GPM6A: variants seen among roughly 807,000 people sequenced by gnomAD.
GPM6A encodes the protein glycoprotein M6A.
In GPM6A, 7 loss-of-function variants were observed where a neutral mutation model predicts 32.1. That is an observed-to-expected ratio of 0.22 (90% CI 0.12 to 0.41). The LOEUF is 0.41. Among genes scored for constraint, GPM6A ranks in the 10% least tolerant of loss-of-function variants. GPM6A has a pLI of 1.00. For missense variants in GPM6A, 235 were observed against 347.2 expected (o/e 0.68, Z 2.57); for synonymous variants, 130 against 123.4 (o/e 1.05, Z -0.35).
chr4:175,868,922 T>A (rs1230881785), intron 1 of GPM6A, among the ~76,000 whole-genome samples: 1 of 152,252 alleles, frequency 6.6e-6, no homozygotes, highest in Non-Finnish European at 1.5e-5. Flanking sequence ...ATTGATGACT[T>A]ACTATTGTAC....
At chr4:175,698,648 G>A (rs1391689448) in intron 2 of GPM6A, among the ~76,000 whole-genome samples, 1 of 152,088 alleles carries the variant, frequency 6.6e-6, no homozygotes, top group East Asian at 1.9e-4. Context: ...TTGTTGGTAG[G>A]GAGAGAGTCT....
intron 2 of GPM6A, among the ~76,000 whole-genome samples, chr4:175,685,942 C>T (rs528927032): frequency 1.3e-5 from 2 of 152,036 alleles, no homozygotes; most frequent in South Asian, 2.1e-4. Context: ...TGTGTGTGCA[C>T]GCACACACAT....
At chr4:175,749,991 G>C (rs1386826094) in intron 1 of GPM6A, among the ~76,000 whole-genome samples, 1 of 151,990 alleles carries the variant, frequency 6.6e-6, no homozygotes, top group Non-Finnish European at 1.5e-5. Flanking sequence ...ATTTCATTTT[G>C]TACATAAAGA....
chr4:175,796,624 T>C (rs921541785), intron 1 of GPM6A, among the ~76,000 whole-genome samples: 14 of 152,214 alleles, frequency 9.2e-5, no homozygotes, highest in African/African-American at 3.4e-4. Context: ...AAAGCTAAAA[T>C]ACAAACCACT....
intron 1 of GPM6A, among the ~76,000 whole-genome samples, chr4:175,759,352 CAA>C (rs979752021): frequency 1.3e-5 from 2 of 152,052 alleles, no homozygotes; most frequent in African/African-American, 4.8e-5. Context: ...TTCTTCAAGA[CAA>C]CTTAGCATTA....
chr4:175,675,353 T>A (rs1743306024), intron 2 of GPM6A, among the ~76,000 whole-genome samples: 1 of 151,856 alleles, frequency 6.6e-6, no homozygotes, highest in African/African-American at 2.4e-5. Context: ...TAACACCAAC[T>A]GAATGCTATG....
chr4:175,673,582 G>A, intron 3 of GPM6A, 98 bp downstream of exon 3: 3 of 799,550 alleles, frequency 3.8e-6, no homozygotes, highest in Non-Finnish European at 5.7e-6. Context: ...GTTACTGTGT[G>A]AAAAAAAAAT....
At chr4:175,762,287 G>A (rs1042411841) in intron 1 of GPM6A, among the ~76,000 whole-genome samples, 18 of 152,130 alleles carry the variant, frequency 1.2e-4, no homozygotes, top group African/African-American at 4.3e-4. Context: ...AAGAAATTCA[G>A]CCAAGAACAT....
chr4:175,729,714 ACACT>A (rs1406759448), intron 1 of GPM6A, among the ~76,000 whole-genome samples: 2 of 149,162 alleles, frequency 1.3e-5, no homozygotes, highest in Non-Finnish European at 3.0e-5. Flanking sequence ...ATAAATGTAT[ACACT>A]CACTATGTAT....
intron 1 of GPM6A, among the ~76,000 whole-genome samples, chr4:175,988,509 T>C (rs940154207): frequency 1.3e-5 from 2 of 152,218 alleles, no homozygotes; most frequent in East Asian, 3.8e-4. Flanking sequence ...TTATTTGAGA[T>C]GCCCAAAAGA....
chr4:175,988,803 T>G (rs555986079), intron 1 of GPM6A, among the ~76,000 whole-genome samples: 4 of 152,298 alleles, frequency 2.6e-5, no homozygotes, highest in African/African-American at 4.8e-5. Context: ...AAGAGCCTAA[T>G]TGGCAAAGAT....
At chr4:175,983,340 T>C (rs1439750970) in intron 1 of GPM6A, among the ~76,000 whole-genome samples, 1 of 152,230 alleles carries the variant, frequency 6.6e-6, no homozygotes, top group Non-Finnish European at 1.5e-5. Flanking sequence ...TCATGCTTCT[T>C]TGGAGCTCTT....
chr4:175,856,154 T>TA (rs1332811348), intron 1 of GPM6A, among the ~76,000 whole-genome samples: 1 of 152,170 alleles, frequency 6.6e-6, no homozygotes, highest in Non-Finnish European at 1.5e-5. Flanking sequence ...TTTTTTAAGG[T>TA]AAAAAACTAA....
intron 1 of GPM6A, among the ~76,000 whole-genome samples, chr4:175,821,686 T>A (rs1266486029): frequency 6.6e-6 from 1 of 152,052 alleles, no homozygotes; most frequent in East Asian, 1.9e-4. Context: ...TTTGTTTTTA[T>A]TCCTAAGTAT....
chr4:175,832,974 C>A (rs1735660307), intron 1 of GPM6A, among the ~76,000 whole-genome samples: 1 of 152,162 alleles, frequency 6.6e-6, no homozygotes, highest in African/African-American at 2.4e-5. Flanking sequence ...GACTTTCCCA[C>A]TAAGCAGGAA....
chr4:175,753,889 C>T (rs1732431939), intron 1 of GPM6A, among the ~76,000 whole-genome samples: 3 of 152,092 alleles, frequency 2.0e-5, no homozygotes, highest in Admixed American at 2.0e-4. Context: ...TTAGGTGCTC[C>T]ATCATCTACT....
In GPM6A at chr4:175,634,508, A is replaced by C. The variant is rs1419311402; in HGVS notation, c.*397T>G. On this transcript the variant is annotated 3_prime_UTR_variant, in exon 7 of 7. Coordinates refer to ENST00000393658, the MANE Select transcript of GPM6A (RefSeq NM_201591.3). ...TGTAGTTAAACTAGTTACCGAAATC[A>C]AAACTAAAAAGTATAAAAAGCTATT... is the stretch of plus-strand genomic sequence containing the variant. The C allele has an allele frequency of 6.2e-6, 1 of 162,584 alleles. No individual in the cohort carries two copies. The highest frequency in any genetic ancestry group is 1.3e-5 in the Non-Finnish European group (1 of 75,134). The allele number at this position is 162,584 out of a possible 1,614,324, so 10.1% of individuals were successfully genotyped here. A position where few individuals can be genotyped will look rare whatever the true frequency, so the allele number is the denominator to read the frequency against.
chr4:175,738,806 T>C (rs1395756884), intron 1 of GPM6A, among the ~76,000 whole-genome samples: 1 of 152,148 alleles, frequency 6.6e-6, no homozygotes, highest in Non-Finnish European at 1.5e-5. Context: ...GTCCAACAAA[T>C]TCCATGAGTT....
chr4:175,868,427 C>T (rs1372766715), intron 1 of GPM6A, among the ~76,000 whole-genome samples: 1 of 152,206 alleles, frequency 6.6e-6, no homozygotes, highest in Non-Finnish European at 1.5e-5. Flanking sequence ...ATTCTTCCTT[C>T]ACTAATTCGT....
Sources: gnomAD v4.1 joint callset for allele counts (sites outside exome capture counted in the v4.1 genomes callset) on GRCh38, gnomAD v4.1.1 for gene constraint, MANE v1.5 for transcripts, NCBI Gene and HGNC (gene_info 2026-07-23, HGNC 2026-07-21) for gene names.